IGF2R: variants seen among roughly 807,000 people sequenced by gnomAD.
IGF2R encodes cation-independent mannose-6-phosphate receptor.
Under a neutral mutation model 270.6 loss-of-function variants are expected in IGF2R, and 91 were observed. That is an observed-to-expected ratio of 0.34 (90% CI 0.28 to 0.40). IGF2R has a LOEUF of 0.40. IGF2R is among the 10% of genes least tolerant of loss of function. IGF2R has a pLI of 1.00. For missense variants in IGF2R, 2,805 were observed against 3,188.3 expected (o/e 0.88, Z 2.90); for synonymous variants, 1,316 against 1,258.9 (o/e 1.05, Z -0.96).
chr6:160,067,950 G>A (rs536696715), intron 29 of IGF2R, among the ~76,000 whole-genome samples: 131 of 152,228 alleles, frequency 8.6e-4, no homozygotes, highest in African/African-American at 2.9e-3. Context: ...CAGACGGCAC[G>A]CACTTTGCAG....
intron 1 of IGF2R, among the ~76,000 whole-genome samples, chr6:159,980,180 CAAAA>C (rs1203923958): frequency 2.3e-5 from 2 of 87,382 alleles, no homozygotes; most frequent in African/African-American, 4.7e-5. Context: ...GACTCCGTCT[CAAAA>C]AAGAAAGAAA....
intron 1 of IGF2R, among the ~76,000 whole-genome samples, chr6:159,987,516 C>G (rs997826892): frequency 6.6e-6 from 1 of 152,170 alleles, no homozygotes; most frequent in African/African-American, 2.4e-5. Flanking sequence ...CTCAGCCTCC[C>G]TAGTAGCTGG....
At chr6:160,074,910 C>G (rs1214817929) in intron 35 of IGF2R, among the ~76,000 whole-genome samples, 1 of 152,212 alleles carries the variant, frequency 6.6e-6, no homozygotes, top group Non-Finnish European at 1.5e-5. Context: ...TTGGTAGCGT[C>G]CTTTCTGACA....
chr6:160,019,414 C>T (rs1007762103), intron 4 of IGF2R, among the ~76,000 whole-genome samples: 2 of 152,154 alleles, frequency 1.3e-5, no homozygotes, highest in African/African-American at 4.8e-5. Flanking sequence ...AGCACAAATC[C>T]TACTGAAACT....
chr6:160,005,318 TG>T (rs1188036484), intron 2 of IGF2R: 1 of 152,454 alleles, frequency 6.6e-6, no homozygotes, highest in Admixed American at 6.5e-5. Flanking sequence ...CCTGGCATGT[TG>T]GGGACAGGTC....
intron 20 of IGF2R, among the ~76,000 whole-genome samples, chr6:160,057,135 G>A (rs1778333224): frequency 6.6e-6 from 1 of 152,174 alleles, no homozygotes; most frequent in Admixed American, 6.5e-5. Context: ...TGAGGCCTGT[G>A]TGTCTCACCG....
intron 4 of IGF2R, 68 bp downstream of exon 4, chr6:160,010,853 G>A: frequency 4.5e-6 from 4 of 890,028 alleles, no homozygotes; most frequent in Non-Finnish European, 7.3e-6. Flanking sequence ...TTCAAATACT[G>A]ATTCTAACCT....
chr6:160,067,672 C>T (rs963988402), intron 29 of IGF2R, among the ~76,000 whole-genome samples: 4 of 152,318 alleles, frequency 2.6e-5, no homozygotes, highest in East Asian at 1.9e-4. Context: ...GTGTGTGTCT[C>T]ACTCACTGTT....
At chr6:160,010,574 C>T in intron 3 of IGF2R, 113 bp from the exon 4 acceptor site, 3 of 683,184 alleles carry the variant, frequency 4.4e-6, no homozygotes, top group Non-Finnish European at 5.0e-6. Context: ...ATCCCCTGCC[C>T]TTCTTGCTGC....
rs758871160 is a variant in IGF2R at position 160,040,727 on chromosome 6, A to G, written c.1480+3A>G. On this transcript the variant is annotated splice_donor_region_variant and intron_variant, in intron 11 of 47. Transcript: ENST00000356956. Reference sequence around the variant, plus strand: ...GTCCGCGCTGGTCCGCCATGCAGGTACTGCCCTCCTTGCCATGCGGGTCTT... The same window carrying G: ...GTCCGCGCTGGTCCGCCATGCAGGTGCTGCCCTCCTTGCCATGCGGGTCTT... The G allele has an allele frequency of 2.5e-6, 4 of 1,609,858 alleles. No homozygotes were observed. Among genetic ancestry groups the G allele is most frequent in the African/African-American group, 1.3e-5 (1 of 74,992 alleles).
chr6:160,090,135 T>A (rs1779187001), intron 44 of IGF2R, 32 bp downstream of exon 44: 2 of 1,414,820 alleles, frequency 1.4e-6, no homozygotes, highest in South Asian at 1.6e-5. Flanking sequence ...AGTTCCACAT[T>A]TAACTTCCTC....
At chr6:160,063,763 A>T (rs1014277362) in intron 27 of IGF2R, 133 bp downstream of exon 27, 12 of 679,924 alleles carry the variant, frequency 1.8e-5, no homozygotes, top group Non-Finnish European at 2.5e-5. Flanking sequence ...AAAGCATATT[A>T]ATGATATTTC....
rs950483385 is a variant in IGF2R at position 160,050,019 on chromosome 6, G to A, written c.2515-454G>A. ...GTTTATTGGTAGAAGAGTGCAGGGTGAAGTCATCGGATGGGGAGATGAAGA... is the reference window on the plus strand; with the variant it reads ...GTTTATTGGTAGAAGAGTGCAGGGTAAAGTCATCGGATGGGGAGATGAAGA... On this transcript the variant is annotated intron_variant, in intron 18 of 47. Transcript: ENST00000356956. The surrounding 1 kb of genome is among the most constrained non-coding windows in gnomAD (Gnocchi z 4.0). Among the ~76,000 whole-genome samples, 8 of 152,246 alleles carry A rather than the reference G, an allele frequency of 5.3e-5. No homozygotes were observed. The highest frequency in any genetic ancestry group is 2.0e-4 in the Admixed American group (3 of 15,294).
chr6:160,067,244 G>T (rs1778605194), intron 29 of IGF2R, among the ~76,000 whole-genome samples: 1 of 151,950 alleles, frequency 6.6e-6, no homozygotes, highest in Non-Finnish European at 1.5e-5. Context: ...CTCTGCCTGG[G>T]ATGCGCTTTA....
rs754892906 is a variant in IGF2R, at chr6:160,078,314, G to A, written c.5430G>A (p.Gln1810=). The change falls in exon 37 of 48, where the codon CAG becomes CAA. Residue 1810 remains glutamine, a synonymous_variant. Transcript: ENST00000356956. ...ATGGCTGTACCCTGACAGATGAGCA[G>A]CTCCTCTACAGCTTCAACTTGTCCA... ...RMDGCTLTDE[Q]LLYSFNLSSL... is the part of the protein sequence containing the mutation. The A allele has an allele frequency of 6.2e-7, 1 of 1,614,212 alleles. No homozygotes were observed. The highest frequency in any genetic ancestry group is 1.1e-5 in the South Asian group (1 of 91,086).
intron 21 of IGF2R, among the ~76,000 whole-genome samples, 179 bp downstream of exon 21, chr6:160,058,303 C>G (rs1015774314): frequency 1.3e-5 from 2 of 152,146 alleles, no homozygotes; most frequent in Non-Finnish European, 2.9e-5. Flanking sequence ...CCATTTACCA[C>G]CATTCTGGCA....
At chr6:160,047,137 G>C (rs1477040833) in intron 15 of IGF2R, 22 bp from the exon 16 acceptor site, 1 of 1,612,564 alleles carries the variant, frequency 6.2e-7, no homozygotes, top group African/African-American at 1.3e-5. Flanking sequence ...TCTTTGCTGA[G>C]AGAAACGTGT....
intron 2 of IGF2R, chr6:160,003,479 G>C (rs944110658): frequency 6.6e-6 from 1 of 152,148 alleles, no homozygotes; most frequent in Non-Finnish European, 1.5e-5. Flanking sequence ...TGTACAAAAG[G>C]TTTTTGGTAG....
At chr6:159,972,156 A>C (rs1253927016) in intron 1 of IGF2R, among the ~76,000 whole-genome samples, 1 of 152,066 alleles carries the variant, frequency 6.6e-6, no homozygotes, top group Non-Finnish European at 1.5e-5. Flanking sequence ...CGTGTCACCA[A>C]GGTGTGACGT....
Sources: allele counts gnomAD v4.1 joint callset (sites outside exome capture counted in the v4.1 genomes callset), GRCh38; gene constraint gnomAD v4.1.1; non-coding constraint Gnocchi (gnomAD v3.1); transcripts MANE v1.5; gene names NCBI Gene and HGNC (gene_info 2026-07-23, HGNC 2026-07-21).